MYO5A: variants seen among roughly 807,000 people sequenced by gnomAD.
The protein encoded by MYO5A is myosin VA, also known as unconventional myosin-Va.
MYO5A carries 98 observed loss-of-function variants against 249.7 expected under a neutral mutation model. The observed-to-expected ratio is 0.39, with a 90% CI of 0.33 to 0.46. MYO5A has a LOEUF of 0.46. Ranked by LOEUF, MYO5A falls within the 20% of genes least tolerant of loss-of-function variation. The pLI, the probability that MYO5A is intolerant of heterozygous loss-of-function variation, is 0.98. For synonymous variants in MYO5A, 778 were observed against 810.6 expected (o/e 0.96, Z 0.68); for missense variants, 1,696 against 2,308.8 (o/e 0.73, Z 5.44).
chr15:52,405,071 A>T (rs1223224783), intron 9 of MYO5A, among the ~76,000 whole-genome samples: 6 of 151,776 alleles, frequency 4.0e-5, no homozygotes, highest in African/African-American at 1.5e-4. Context: ...ACACACACAC[A>T]CACACACACA....
At chr15:52,339,628 C>A (rs767145008) in intron 32 of MYO5A, among the ~76,000 whole-genome samples, 1 of 152,090 alleles carries the variant, frequency 6.6e-6, no homozygotes, top group African/African-American at 2.4e-5. Flanking sequence ...ACTTGTTATA[C>A]AAGTTCTGTT....
At chr15:52,524,237 A>C (rs2077684850) in intron 1 of MYO5A, among the ~76,000 whole-genome samples, 1 of 152,208 alleles carries the variant, frequency 6.6e-6, no homozygotes, top group African/African-American at 2.4e-5. Flanking sequence ...ACAAAAGTAA[A>C]CAAAAAAATT....
At chr15:52,353,796 T>C (rs1287439176) in intron 26 of MYO5A, 75 bp downstream of exon 26, 24 of 1,608,228 alleles carry the variant, frequency 1.5e-5, no homozygotes, top group Non-Finnish European at 2.0e-5. Flanking sequence ...CTGGGCTGAG[T>C]CTCCACTAAG....
chr15:52,467,493 G>T (rs1235579226), intron 1 of MYO5A, among the ~76,000 whole-genome samples: 2 of 152,084 alleles, frequency 1.3e-5, no homozygotes, highest in Non-Finnish European at 2.9e-5. Flanking sequence ...GAGGAAAAAA[G>T]AATGAATAAA....
At position 52,307,512 on chromosome 15, in the gene MYO5A, G is replaced by C. The variant is rs1471328781; in HGVS notation, c.*6184C>G. The C allele has an allele frequency of 6.6e-6, 1 of 152,082 alleles. No homozygotes were observed. The highest frequency in any genetic ancestry group is 6.5e-5 in the Admixed American group (1 of 15,278). 9.4% of individuals were successfully genotyped at this position (152,082 alleles called of 1,614,324 possible). ...AATTATTAACTTATTTTTAAAAATTGCACGTGAGATATGCTAGAATGGGTT... is the reference window on the plus strand; with the variant it reads ...AATTATTAACTTATTTTTAAAAATTCCACGTGAGATATGCTAGAATGGGTT... On this transcript the variant is annotated 3_prime_UTR_variant, in exon 42 of 42. Transcript: ENST00000399233.
intron 1 of MYO5A, among the ~76,000 whole-genome samples, chr15:52,469,184 G>C (rs1470189297): frequency 6.6e-6 from 1 of 152,110 alleles, no homozygotes; most frequent in African/African-American, 2.4e-5. Flanking sequence ...AACAACATGT[G>C]GGTAAGCAGT....
intron 4 of MYO5A, among the ~76,000 whole-genome samples, chr15:52,420,463 C>G (rs2043734007): frequency 6.6e-6 from 1 of 152,030 alleles, no homozygotes; most frequent in Non-Finnish European, 1.5e-5. Context: ...ATGCTCTCTT[C>G]CCTTCCACCT....
At chr15:52,505,273 GTGCCATCACAAGCAGA>G (rs781134752) in intron 1 of MYO5A, 44 of 776,242 alleles carry the variant, frequency 5.7e-5, no homozygotes, top group Non-Finnish European at 9.1e-5. Flanking sequence ...CAAGGGGTAT[GTGCCATCACAAGCAGA>G]TGTGGCAGTA....
rs2037759407 is a variant in MYO5A at position 52,311,176 on chromosome 15, A to C, written c.*2520T>G. On this transcript the variant is annotated 3_prime_UTR_variant, in exon 42 of 42. Transcript: ENST00000399233. ...GTACATGAGCTGTCCGGAGTAAAAAAAAGGGCTGCATGGCAGTGACAGCTA... is the reference window on the plus strand; with the variant it reads ...GTACATGAGCTGTCCGGAGTAAAAACAAGGGCTGCATGGCAGTGACAGCTA... 2 of 152,326 alleles carry C rather than the reference A, an allele frequency of 1.3e-5. No homozygotes were observed. The highest frequency in any genetic ancestry group is 1.3e-4 in the Admixed American group (2 of 15,284). The allele number at this position is 152,326 out of a possible 1,614,324, so 9.4% of individuals were successfully genotyped here. A position where few individuals can be genotyped will look rare whatever the true frequency, so the allele number is the denominator to read the frequency against.
Position 52,313,564 on chromosome 15 carries a change from A to G in MYO5A, c.*132T>C, listed in dbSNP as rs2037851704. On this transcript the variant is annotated 3_prime_UTR_variant, in exon 42 of 42. Coordinates refer to ENST00000399233, the MANE Select transcript of MYO5A (RefSeq NM_001382347.1). The stretch of plus-strand genomic sequence containing the variant: ...ATGAAAGTATTCTAGGGAGATTTCC[A>G]GTTAATGACTTCTCATTTGGGAGAT... The G allele has an allele frequency of 8.8e-7, 1 of 1,141,656 alleles. No individual in the cohort carries two copies. Among genetic ancestry groups the G allele is most frequent in the Non-Finnish European group, 1.3e-6 (1 of 783,666 alleles). The allele number at this position is 1,141,656 out of a possible 1,614,324, so 70.7% of individuals were successfully genotyped here.
chr15:52,370,010 G>GAAATAAAT (rs1264309252), intron 22 of MYO5A, among the ~76,000 whole-genome samples, 159 bp downstream of exon 22: 2 of 151,342 alleles, frequency 1.3e-5, no homozygotes. Context: ...TTGATAATGA[G>GAAATAAAT]AAATAAATGC....
rs76707240 is a variant in MYO5A, at chr15:52,457,292, A to T, written c.28-24007T>A. 9.3e-4 allele frequency among the ~76,000 whole-genome samples: 142 copies of T among 152,040 alleles called. 1 individual carries two copies. The highest frequency in any genetic ancestry group is 3.3e-3 in the African/African-American group (135 of 41,488). ...CCCTATCTCTACAAAAAATACAAAA[A>T]TTAGCCAGGTGTGGTGTAGTCCCAG... On this transcript the variant is annotated intron_variant, in intron 1 of 41. Coordinates refer to ENST00000399233, the MANE Select transcript of MYO5A (RefSeq NM_001382347.1).
chr15:52,385,092 T>C (rs1012271141), intron 14 of MYO5A, among the ~76,000 whole-genome samples: 7 of 152,144 alleles, frequency 4.6e-5, no homozygotes, highest in Admixed American at 2.0e-4. Context: ...TATTAGTCAA[T>C]ATGGTTGGGA....
intron 1 of MYO5A, among the ~76,000 whole-genome samples, chr15:52,523,852 G>A (rs530193038): frequency 2.0e-5 from 3 of 152,330 alleles, no homozygotes; most frequent in Non-Finnish European, 4.4e-5. Flanking sequence ...CTCCAAGTCA[G>A]GGCACATGAT....
intron 16 of MYO5A, among the ~76,000 whole-genome samples, chr15:52,380,287 T>C (rs2041665979): frequency 6.6e-6 from 1 of 151,426 alleles, no homozygotes; most frequent in African/African-American, 2.4e-5. Context: ...AACAGAAAAA[T>C]TAGCCGAGCA....
rs1567009742 is a variant in MYO5A, at chr15:52,313,753, T to C, written c.5586A>G (p.Ala1862=). 1 of 1,614,102 alleles carries C rather than the reference T, an allele frequency of 6.2e-7. No individual in the cohort carries two copies. Among genetic ancestry groups the C allele is most frequent in the Non-Finnish European group, 8.5e-7 (1 of 1,180,012 alleles). ...TGGCTGGAATCTGGATGGTTTCTAG[T>C]GCGAGGGAAGATGGGTTGAAAGGAA... ...VTFPFNPSSL[A]LETIQIPASL... The change falls in exon 42 of 42, where the codon GCA becomes GCG. Residue 1862 remains alanine, a synonymous_variant. Transcript: ENST00000399233.
intron 22 of MYO5A, among the ~76,000 whole-genome samples, chr15:52,368,059 A>T (rs181953608): frequency 3.9e-5 from 6 of 152,334 alleles, no homozygotes; most frequent in African/African-American, 1.4e-4. Flanking sequence ...TAAAATCTGA[A>T]TTCCTTTTTC....
At chr15:52,362,475 G>C (rs1235182266) in intron 24 of MYO5A, among the ~76,000 whole-genome samples, 2 of 152,142 alleles carry the variant, frequency 1.3e-5, no homozygotes, top group Non-Finnish European at 2.9e-5. Context: ...CTGCAATTCT[G>C]GGCAAATATT....
At chr15:52,430,437 G>A in intron 2 of MYO5A, among the ~76,000 whole-genome samples, 1 of 152,216 alleles carries the variant, frequency 6.6e-6, no homozygotes, top group East Asian at 1.9e-4. Context: ...CCTTCTTGGA[G>A]TTAGGCTTTA....
Sources: allele counts gnomAD v4.1 joint callset (sites outside exome capture counted in the v4.1 genomes callset), GRCh38; gene constraint gnomAD v4.1.1; transcripts MANE v1.5; gene names NCBI Gene and HGNC (gene_info 2026-07-23, HGNC 2026-07-21).